Variants in MYO3B observed in about 807,000 individuals in gnomAD.
The protein encoded by MYO3B is myosin IIIB.
Under a neutral mutation model 174.6 loss-of-function variants are expected in MYO3B, and 156 were observed. That is an observed-to-expected ratio of 0.89 (90% CI 0.78 to 1.02). The LOEUF (loss-of-function observed/expected upper bound fraction) is 1.02, where lower values mean the gene tolerates loss of function less well. Ranked by LOEUF, MYO3B falls within the 50% of genes least tolerant of loss-of-function variation. MYO3B has a pLI of 0.00. For missense variants in MYO3B, 1,632 were observed against 1,639.4 expected (o/e 1.00, Z 0.08); for synonymous variants, 563 against 569.1 (o/e 0.99, Z 0.15).
intron 22 of MYO3B, among the ~76,000 whole-genome samples, chr2:170,432,150 AT>A (rs530740935): frequency 1.1e-4 from 16 of 151,462 alleles, no homozygotes; most frequent in South Asian, 6.2e-4. Flanking sequence ...ACTCCTACTT[AT>A]TTTTTTTTAA....
rs932794065 is a variant in MYO3B at position 170,479,768 on chromosome 2, T to C, written c.3014+13057T>C. On this transcript the variant is annotated intron_variant, in intron 25 of 34. Coordinates refer to ENST00000408978, the MANE Select transcript of MYO3B (RefSeq NM_138995.5). Reference sequence around the variant, plus strand: ...CCCACATATGTGTATATGTTGTAACTGAATGTTAACTTTGTAATAAGAACT... The same window carrying C: ...CCCACATATGTGTATATGTTGTAACCGAATGTTAACTTTGTAATAAGAACT... Among the ~76,000 whole-genome samples the C allele has an allele frequency of 2.0e-5, 3 of 147,900 alleles. No individual in the cohort carries two copies. In the Admixed American group the frequency reaches 2.0e-4, roughly 10 times the overall value.
At position 170,443,511 on chromosome 2, in the gene MYO3B, C is replaced by T. The variant is rs964908426; in HGVS notation, c.2651-456C>T. Among the ~76,000 whole-genome samples the T allele has an allele frequency of 1.2e-4, 19 of 152,176 alleles. 1 individual carries two copies. The highest frequency in any genetic ancestry group is 4.6e-4 in the African/African-American group (19 of 41,530). ...TTTAGTTTAATTAGATCCCATTTGT[C>T]AATTTTGGCTTTTGTTGCCATTGCT... On this transcript the variant is annotated intron_variant, in intron 22 of 34. Transcript: ENST00000408978.
intron 32 of MYO3B, among the ~76,000 whole-genome samples, chr2:170,619,043 A>T (rs1183137509): frequency 6.6e-6 from 1 of 152,216 alleles, no homozygotes; most frequent in Non-Finnish European, 1.5e-5. Flanking sequence ...GTGAAGCTAG[A>T]CAACCAGTTA....
At chr2:170,502,033 T>C (rs1687306032) in intron 28 of MYO3B, among the ~76,000 whole-genome samples, 168 bp downstream of exon 28, 1 of 152,198 alleles carries the variant, frequency 6.6e-6, no homozygotes, top group East Asian at 1.9e-4. Context: ...ATAACTATGA[T>C]GCTAACGGTG....
intron 7 of MYO3B, among the ~76,000 whole-genome samples, chr2:170,302,358 T>C (rs547057296): frequency 6.6e-6 from 1 of 152,224 alleles, no homozygotes. Flanking sequence ...CCCAGCAATA[T>C]TGCATGGAAG....
At chr2:170,229,386 T>C (rs1297551221) in intron 6 of MYO3B, among the ~76,000 whole-genome samples, 1 of 152,234 alleles carries the variant, frequency 6.6e-6, no homozygotes, top group East Asian at 1.9e-4. Flanking sequence ...GCATTTTGCC[T>C]GTGTACTTGA....
At chr2:170,521,514 T>A (rs1221676412) in intron 30 of MYO3B, among the ~76,000 whole-genome samples, 1 of 152,178 alleles carries the variant, frequency 6.6e-6, no homozygotes, top group East Asian at 1.9e-4. Flanking sequence ...TGCTCTGAGC[T>A]CTTCCACCGC....
intron 9 of MYO3B, among the ~76,000 whole-genome samples, chr2:170,372,546 A>G (rs937170905): frequency 6.6e-6 from 1 of 152,218 alleles, no homozygotes; most frequent in Non-Finnish European, 1.5e-5. Flanking sequence ...ATACATGTGT[A>G]TGTGTCAGGC....
intron 13 of MYO3B, among the ~76,000 whole-genome samples, 161 bp downstream of exon 13, chr2:170,386,433 T>C (rs1300948650): frequency 6.6e-6 from 1 of 152,128 alleles, no homozygotes; most frequent in Non-Finnish European, 1.5e-5. Flanking sequence ...TCTTAAGATG[T>C]CAGCATGCTA....
chr2:170,250,845 C>T (rs562133296), intron 7 of MYO3B, among the ~76,000 whole-genome samples: 2 of 152,092 alleles, frequency 1.3e-5, no homozygotes, highest in Admixed American at 1.3e-4. Flanking sequence ...TAGCGGCCGA[C>T]TCTCCCACTG....
At chr2:170,187,300 T>C (rs1330572461) in intron 1 of MYO3B, among the ~76,000 whole-genome samples, 2 of 152,178 alleles carry the variant, frequency 1.3e-5, no homozygotes, top group Non-Finnish European at 2.9e-5. Context: ...TGACACAGTC[T>C]TGGCTCACTG....
chr2:170,499,019 C>T (rs6733235), intron 26 of MYO3B, among the ~76,000 whole-genome samples: 140,436 of 152,248 alleles, frequency 0.92, 65,750 homozygotes, highest in Non-Finnish European at 1. Context: ...ATCATATTAA[C>T]GGCAGTGATG....
chr2:170,470,089 C>T lies in MYO3B; in HGVS notation c.3014+3378C>T, dbSNP rs375285243. Among the ~76,000 whole-genome samples the T allele has an allele frequency of 3.9e-5, 4 of 101,686 alleles. 1 individual carries two copies. Among genetic ancestry groups the T allele is most frequent in the East Asian group, 3.0e-4 (1 of 3,282 alleles). The allele number at this position is 101,686 out of a possible 152,430, so 66.7% of individuals were successfully genotyped here. On this transcript the variant is annotated intron_variant, in intron 25 of 34. Coordinates refer to ENST00000408978, the MANE Select transcript of MYO3B (RefSeq NM_138995.5). ...TGCCCTCCAGCCTGGGCAACAAGAG[C>T]GAAACTCCGTCTCAAAAAAAAAAAA...
At chr2:170,493,099 G>T (rs1686596289) in intron 25 of MYO3B, among the ~76,000 whole-genome samples, 1 of 152,190 alleles carries the variant, frequency 6.6e-6, no homozygotes, top group Non-Finnish European at 1.5e-5. Flanking sequence ...TTTGATGAGG[G>T]ATGTGCCTAC....
chr2:170,376,979 G>T (rs755193338), intron 9 of MYO3B, among the ~76,000 whole-genome samples: 1 of 152,206 alleles, frequency 6.6e-6, no homozygotes, highest in Non-Finnish European at 1.5e-5. Flanking sequence ...AAGGAAGAGC[G>T]TATCCTGTCT....
intron 6 of MYO3B, among the ~76,000 whole-genome samples, chr2:170,235,489 G>C (rs574173300): frequency 6.6e-6 from 1 of 152,200 alleles, no homozygotes; most frequent in Non-Finnish European, 1.5e-5. Flanking sequence ...TTAGAAAAAG[G>C]GAAGGGTGGA....
intron 32 of MYO3B, among the ~76,000 whole-genome samples, chr2:170,582,984 T>G (rs1693245450): frequency 6.6e-6 from 1 of 152,020 alleles, no homozygotes; most frequent in Non-Finnish European, 1.5e-5. Context: ...AAACTAGCCT[T>G]GGACTCTCTG....
chr2:170,562,654 G>T (rs974556773), intron 32 of MYO3B, among the ~76,000 whole-genome samples: 2 of 152,216 alleles, frequency 1.3e-5, no homozygotes, highest in Non-Finnish European at 1.5e-5. Flanking sequence ...TTAAAGATCA[G>T]TAATGAGGCT....
chr2:170,255,499 C>G (rs1454498654), intron 7 of MYO3B, among the ~76,000 whole-genome samples: 1 of 152,100 alleles, frequency 6.6e-6, no homozygotes, highest in East Asian at 1.9e-4. Context: ...CCTTCAGCAC[C>G]CAACACCTGT....
Sources: gnomAD v4.1 joint callset for allele counts (sites outside exome capture counted in the v4.1 genomes callset) on GRCh38, gnomAD v4.1.1 for gene constraint, MANE v1.5 for transcripts, NCBI Gene and HGNC (gene_info 2026-07-23, HGNC 2026-07-21) for gene names.